The following WDPCP variants were observed in gnomAD, a reference collection of about 807,000 sequenced individuals.
WDPCP encodes the protein WD repeat containing planar cell polarity effector.
WDPCP carries 71 observed loss-of-function variants against 93.1 expected under a neutral mutation model. That is an observed-to-expected ratio of 0.76 (90% CI 0.63 to 0.93). WDPCP has a LOEUF of 0.93. WDPCP is among the 40% of genes least tolerant of loss of function. WDPCP has a pLI of 0.00. For missense variants in WDPCP, 844 were observed against 887.4 expected (o/e 0.95, Z 0.62); for synonymous variants, 315 against 315.0 (o/e 1.00, Z 0.00).
In WDPCP at chr2:63,213,799, G is replaced by A. The variant is rs143378368; in HGVS notation, c.1916-38967C>T. On this transcript the variant is annotated intron_variant, in intron 14 of 17. Transcript: ENST00000272321. ...AAATGATAAAGGGGATATCAACACC[G>A]ATCCCACAGAGATACAAACTACCCT... 3.9e-3 allele frequency among the ~76,000 whole-genome samples: 594 copies of A among 152,108 alleles called. 2 individuals are homozygous for A. Among genetic ancestry groups the A allele is most frequent in the Middle Eastern group, 6.8e-3 (2 of 294 alleles).
At chr2:63,808,304 C>G (rs1259345195) in intron 2 of WDPCP, among the ~76,000 whole-genome samples, 1 of 144,336 alleles carries the variant, frequency 6.9e-6, no homozygotes, top group Non-Finnish European at 1.5e-5. Flanking sequence ...CTCCCTCTCC[C>G]TCTCCCCTCT....
intron 3 of WDPCP, among the ~76,000 whole-genome samples, chr2:63,625,937 A>G (rs1709805546): frequency 6.6e-6 from 1 of 152,226 alleles, no homozygotes; most frequent in Admixed American, 6.5e-5. Context: ...ACTTCAAATT[A>G]TACTACAAGG....
intron 13 of WDPCP, among the ~76,000 whole-genome samples, chr2:63,300,057 C>T (rs1685204571): frequency 6.6e-6 from 1 of 152,068 alleles, no homozygotes; most frequent in Admixed American, 6.5e-5. Context: ...AACATCATAC[C>T]TGATGGAACC....
At chr2:63,654,275 C>T (rs954875910) in intron 2 of WDPCP, among the ~76,000 whole-genome samples, 3 of 151,902 alleles carry the variant, frequency 2.0e-5, no homozygotes, top group East Asian at 1.9e-4. Context: ...TAATCTAAAA[C>T]GAGGCACAGA....
At chr2:63,308,433 CAT>C (rs1685917688) in intron 13 of WDPCP, among the ~76,000 whole-genome samples, 1 of 152,184 alleles carries the variant, frequency 6.6e-6, no homozygotes, top group African/African-American at 2.4e-5. Context: ...ACTATAAAGA[CAT>C]ATGCACACGT....
chr2:63,274,205 A>G (rs1682897386), intron 13 of WDPCP, among the ~76,000 whole-genome samples: 1 of 152,180 alleles, frequency 6.6e-6, no homozygotes, highest in East Asian at 1.9e-4. Context: ...ACTATGGAAA[A>G]TGTACAAATA....
rs151104659 is a variant in WDPCP at position 63,748,718 on chromosome 2, T to C, written n.308+64904A>G. Among the ~76,000 whole-genome samples, 194 of 152,234 alleles carry C rather than the reference T, an allele frequency of 1.3e-3. 1 individual carries two copies. Among genetic ancestry groups the C allele is most frequent in the African/African-American group, 4.4e-3 (182 of 41,568 alleles). On this transcript the variant is annotated intron_variant and non_coding_transcript_variant, in intron 2 of 4. Coordinates refer to the WDPCP transcript ENST00000467687. ...TTATAGCTGGTATGTGAAATACATA[T>C]GGACATATTCCTTGTAGCTCTTGCT... is the stretch of plus-strand genomic sequence containing the variant.
chr2:63,303,969 T>TGA (rs1575100192), intron 13 of WDPCP, among the ~76,000 whole-genome samples: 14 of 26,330 alleles, frequency 5.3e-4, no homozygotes, highest in Non-Finnish European at 7.9e-4. Flanking sequence ...TAGTAAAAAG[T>TGA]CAAAAAAAAA....
intron 12 of WDPCP, among the ~76,000 whole-genome samples, chr2:63,333,505 G>A (rs541792806): frequency 8.5e-5 from 13 of 152,224 alleles, no homozygotes; most frequent in South Asian, 4.2e-4. Context: ...TCTGAAGTCC[G>A]CTATCTGAGA....
intron 14 of WDPCP, among the ~76,000 whole-genome samples, chr2:63,179,821 G>A (rs1012436114): frequency 6.6e-6 from 1 of 152,082 alleles, no homozygotes; most frequent in Non-Finnish European, 1.5e-5. Context: ...TTTTCCTTCT[G>A]TTGTTGATGT....
intron 6 of WDPCP, among the ~76,000 whole-genome samples, chr2:63,471,658 A>G (rs901582405): frequency 6.6e-6 from 1 of 152,192 alleles, no homozygotes; most frequent in Non-Finnish European, 1.5e-5. Context: ...ATGATCTATC[A>G]GTTGCTTTCC....
chr2:63,447,405 C>G (rs1697940648), intron 6 of WDPCP, among the ~76,000 whole-genome samples: 1 of 151,612 alleles, frequency 6.6e-6, no homozygotes, highest in South Asian at 2.1e-4. Flanking sequence ...TAAAAATTTT[C>G]AAAAAAGGGA....
chr2:63,271,276 T>G (rs1490623393), intron 13 of WDPCP, among the ~76,000 whole-genome samples: 2 of 152,206 alleles, frequency 1.3e-5, no homozygotes, highest in Non-Finnish European at 2.9e-5. Context: ...CACATACCTT[T>G]GAGGAGCCCA....
At chr2:63,392,945 G>GTAAAC (rs1485634205) in intron 10 of WDPCP, among the ~76,000 whole-genome samples, 1 of 152,216 alleles carries the variant, frequency 6.6e-6, no homozygotes, top group Non-Finnish European at 1.5e-5. Context: ...TGGTGGGACT[G>GTAAAC]TAAACTGGTT....
chr2:63,124,923 G>T (rs1009723716), intron 17 of WDPCP, among the ~76,000 whole-genome samples: 1 of 151,878 alleles, frequency 6.6e-6, no homozygotes, highest in Non-Finnish European at 1.5e-5. Context: ...TTGTTCCACA[G>T]GCTGCTTTAT....
At chr2:63,727,873 C>T (rs1669512213) in intron 2 of WDPCP, among the ~76,000 whole-genome samples, 1 of 152,126 alleles carries the variant, frequency 6.6e-6, no homozygotes, top group Admixed American at 6.5e-5. Flanking sequence ...TCCCCTTTGT[C>T]ATTGCTGATT....
At chr2:63,760,124 T>G (rs1366234092) in intron 2 of WDPCP, among the ~76,000 whole-genome samples, 3 of 152,186 alleles carry the variant, frequency 2.0e-5, no homozygotes, top group Admixed American at 2.0e-4. Flanking sequence ...TGCTCCATTG[T>G]CTTACCAGAC....
rs190678638 is a variant in WDPCP, at chr2:63,433,862, A to G, written c.708T>C (p.Asp236=). 3.5e-5 allele frequency: 57 copies of G among 1,614,072 alleles called. No individual in the cohort carries two copies. The highest frequency in any genetic ancestry group is 3.3e-4 in the African/African-American group (25 of 75,052). Residue 236 remains aspartate, a synonymous_variant, in exon 9 of 18, where the codon GAT becomes GAC. Coordinates refer to ENST00000272321, the MANE Select transcript of WDPCP (RefSeq NM_015910.7). ...CCAGTGGCCACCAGCAAACAACTCT[A>G]TCATGAACACAGTTGATAGCTAGAT... The part of the protein sequence containing the change: ...ERHLAINCVH[D]RVVCWWPLVN...
At chr2:63,207,094 G>C (rs1463870073) in intron 14 of WDPCP, among the ~76,000 whole-genome samples, 1 of 152,014 alleles carries the variant, frequency 6.6e-6, no homozygotes, top group Non-Finnish European at 1.5e-5. Flanking sequence ...TTTTGTGACT[G>C]GCTTCATCAG....
Sources: allele counts gnomAD v4.1 joint callset (sites outside exome capture counted in the v4.1 genomes callset), GRCh38; gene constraint gnomAD v4.1.1; transcripts MANE v1.5; gene names NCBI Gene and HGNC (gene_info 2026-07-23, HGNC 2026-07-21).